DAB1: variants seen among roughly 807,000 people sequenced by gnomAD.
DAB1 encodes the protein DAB adaptor protein 1, also known as disabled homolog 1.
Under a neutral mutation model 64.6 loss-of-function variants are expected in DAB1, and 15 were observed. The observed-to-expected ratio is 0.23, with a 90% CI of 0.16 to 0.36. The LOEUF (loss-of-function observed/expected upper bound fraction) is 0.36. Among genes scored for constraint, DAB1 ranks in the 10% least tolerant of loss-of-function variants. The pLI is 1.00. For synonymous variants in DAB1, 235 were observed against 251.9 expected, an observed-to-expected ratio of 0.93 and a Z score of 0.64; for missense variants, 596 against 706.7, an observed-to-expected ratio of 0.84 and a Z score of 1.78.
At chr1:57,093,772 C>T (rs890210274) in intron 4 of DAB1, among the ~76,000 whole-genome samples, 2 of 152,042 alleles carry the variant, frequency 1.3e-5, no homozygotes, top group South Asian at 2.1e-4. Flanking sequence ...GACCTCTGTA[C>T]GTATCTAGAA....
rs111658598 is a variant in DAB1 at position 57,605,555 on chromosome 1, C to T, written n.625+44037G>A. On this transcript the variant is annotated intron_variant and non_coding_transcript_variant, in intron 7 of 20. Transcript: ENST00000485760. The stretch of plus-strand genomic sequence containing the variant: ...CCTATTTTAAGTGAAAAAGGCTTTA[C>T]TGACACATTTTCTTTACTCCAAGTG... Among the ~76,000 whole-genome samples, 640 of 152,282 alleles carry T rather than the reference C, an allele frequency of 4.2e-3. 5 individuals are homozygous for T. Among genetic ancestry groups the T allele is most frequent in the African/African-American group, 0.014 (598 of 41,558 alleles).
intron 2 of DAB1, among the ~76,000 whole-genome samples, chr1:57,190,621 C>T (rs767865165): frequency 6.6e-6 from 1 of 152,098 alleles, no homozygotes; most frequent in East Asian, 1.9e-4. Flanking sequence ...CCCACCTTTC[C>T]CCAGTATGCA....
At chr1:57,286,154 G>T (rs1049671572) in intron 2 of DAB1, among the ~76,000 whole-genome samples, 1 of 152,186 alleles carries the variant, frequency 6.6e-6, no homozygotes, top group Non-Finnish European at 1.5e-5. Context: ...ATTTTGTGAT[G>T]AAATATGCCC....
chr1:57,745,585 G>C (rs1648224303), intron 6 of DAB1, among the ~76,000 whole-genome samples: 1 of 152,112 alleles, frequency 6.6e-6, no homozygotes, highest in South Asian at 2.1e-4. Flanking sequence ...AACCAGATAT[G>C]ACTTTTAAAG....
chr1:57,346,723 C>CAG (rs1446140045), intron 1 of DAB1, among the ~76,000 whole-genome samples: 4 of 152,156 alleles, frequency 2.6e-5, no homozygotes, highest in Non-Finnish European at 5.9e-5. Context: ...TAAATGAGTT[C>CAG]ATTCACTAAA....
At chr1:58,036,203 T>C (rs1647042926) in intron 5 of DAB1, among the ~76,000 whole-genome samples, 1 of 152,208 alleles carries the variant, frequency 6.6e-6, no homozygotes, top group African/African-American at 2.4e-5. Flanking sequence ...TAAGCTCTAT[T>C]GTATTAATTC....
chr1:57,607,178 CAG>C (rs1180215275), intron 7 of DAB1, among the ~76,000 whole-genome samples: 1 of 152,048 alleles, frequency 6.6e-6, no homozygotes, highest in East Asian at 1.9e-4. Context: ...AATTGAATAA[CAG>C]AAAATATCAT....
At chr1:57,407,178 C>T (rs1403119273) in intron 1 of DAB1, among the ~76,000 whole-genome samples, 1 of 152,212 alleles carries the variant, frequency 6.6e-6, no homozygotes, top group African/African-American at 2.4e-5. Flanking sequence ...GTGGTGGTGA[C>T]TGTTTTCCCC....
At chr1:58,088,228 C>T (rs771134911) in intron 5 of DAB1, among the ~76,000 whole-genome samples, 2 of 152,158 alleles carry the variant, frequency 1.3e-5, no homozygotes, top group Non-Finnish European at 2.9e-5. Context: ...CTCTCACCTC[C>T]GAAGGTTAGG....
At position 57,880,336 on chromosome 1, in the gene DAB1, A is replaced by G. The variant is rs190469618; in HGVS notation, n.87+3663T>C. The G allele has an allele frequency of 5.3e-5, 8 of 152,258 alleles. No individual in the cohort carries two copies. In the East Asian group the frequency reaches 1.5e-3, roughly 29 times the overall value. 9.4% of individuals were successfully genotyped at this position (152,258 alleles called of 1,614,324 possible). On this transcript the variant is annotated intron_variant and non_coding_transcript_variant, in intron 1 of 1. Transcript: ENST00000477280. ...GTCTGGGAATGCAATTATACAACTA[A>G]TTATATTGAAACAACAAACTTGAGC...
Position 57,463,734 on chromosome 1 carries a change from C to G in DAB1, n.626-172568G>C, listed in dbSNP as rs539813634. Among the ~76,000 whole-genome samples the G allele has an allele frequency of 8.5e-5, 13 of 152,298 alleles. No homozygotes were observed. In the South Asian group the frequency reaches 2.7e-3, roughly 32 times the overall value. The stretch of plus-strand genomic sequence containing the variant: ...ATTCCACTCCACTCTACTGCATACT[C>G]TTCTGTTTTTTCCCATGCTCTTCTG... On this transcript the variant is annotated intron_variant and non_coding_transcript_variant, in intron 7 of 20. Coordinates refer to the DAB1 transcript ENST00000485760.
intron 7 of DAB1, among the ~76,000 whole-genome samples, chr1:57,444,050 C>T (rs190448079): frequency 2.6e-5 from 4 of 152,254 alleles, no homozygotes; most frequent in African/African-American, 9.6e-5. Context: ...CCCCCTGTTC[C>T]CTAGACCCCA....
intron 5 of DAB1, among the ~76,000 whole-genome samples, chr1:57,986,978 T>C (rs999449788): frequency 4.6e-5 from 7 of 152,236 alleles, no homozygotes; most frequent in African/African-American, 1.7e-4. Flanking sequence ...TTAAATGAAT[T>C]GTTCAAGGTC....
intron 7 of DAB1, among the ~76,000 whole-genome samples, chr1:57,616,341 C>T (rs1348870955): frequency 6.6e-6 from 1 of 152,142 alleles, no homozygotes; most frequent in Non-Finnish European, 1.5e-5. Context: ...TTTCCTCAGT[C>T]ACTCTCAATG....
intron 5 of DAB1, among the ~76,000 whole-genome samples, chr1:58,023,894 T>C (rs1468981051): frequency 1.3e-5 from 2 of 152,060 alleles, no homozygotes; most frequent in Non-Finnish European, 2.9e-5. Context: ...TTCATTAGCT[T>C]AGCCTCTAAG....
chr1:58,068,196 G>A (rs765220020), intron 5 of DAB1, among the ~76,000 whole-genome samples: 1 of 152,222 alleles, frequency 6.6e-6, no homozygotes. Flanking sequence ...CTGGCACATA[G>A]AGGCTGGCAG....
At chr1:58,049,296 G>C in intron 5 of DAB1, 2 of 687,778 alleles carry the variant, frequency 2.9e-6, no homozygotes, top group South Asian at 3.4e-5. Flanking sequence ...AGACAGGATG[G>C]CAGGGAGAAG....
intron 6 of DAB1, among the ~76,000 whole-genome samples, chr1:57,800,656 C>T (rs538219561): frequency 3.9e-5 from 6 of 152,280 alleles, no homozygotes; most frequent in Admixed American, 3.3e-4. Flanking sequence ...GTTACAGTCT[C>T]GGGAAGAAAT....
At chr1:57,646,583 A>G (rs897419096) in intron 7 of DAB1, among the ~76,000 whole-genome samples, 3 of 152,108 alleles carry the variant, frequency 2.0e-5, no homozygotes, top group Non-Finnish European at 2.9e-5. Context: ...TCCTATCTCT[A>G]CAAACAAATG....
Sources: allele counts gnomAD v4.1 joint callset (sites outside exome capture counted in the v4.1 genomes callset), GRCh38; gene constraint gnomAD v4.1.1; transcripts MANE v1.5; gene names NCBI Gene and HGNC (gene_info 2026-07-23, HGNC 2026-07-21).